The following DDX60 variants were observed in gnomAD, a reference collection of about 807,000 sequenced individuals.
DDX60 encodes the protein DExD/H-box helicase 60.
Under a neutral mutation model 212.8 loss-of-function variants are expected in DDX60, and 165 were observed. The ratio of observed to expected loss-of-function variants is 0.78; its 90% CI spans 0.68 to 0.88. The LOEUF is 0.88. Ranked by LOEUF, DDX60 falls within the 40% of genes least tolerant of loss-of-function variation. The pLI is 0.00. For missense variants in DDX60, 1,905 were observed against 2,003.9 expected, an observed-to-expected ratio of 0.95 and a Z score of 0.94; for synonymous variants, 703 against 685.3, an observed-to-expected ratio of 1.03 and a Z score of -0.40.
Position 168,293,854 on chromosome 4 carries a change from A to T in DDX60, c.815T>A (p.Leu272Ter). 6.2e-7 allele frequency: 1 copy of T among 1,613,864 alleles called. No individual in the cohort carries two copies. The highest frequency in any genetic ancestry group is 8.5e-7 in the Non-Finnish European group (1 of 1,179,786). The stretch of plus-strand genomic sequence containing the variant: ...TCCTAAAAAGCGATGGTACATTCTC[A>T]AAGATAATGAGCATGAAGTAACACA... ...VFCVTSCSLS[L>*]RMYHRFLGNR... The change falls in exon 7 of 38, where the codon TTG (leucine) becomes TAG (stop). Residue 272 changes from leucine (L) to a stop codon, truncating the protein, a stop_gained. Transcript: ENST00000393743. LOFTEE classifies it high-confidence loss of function.
intron 25 of DDX60, among the ~76,000 whole-genome samples, chr4:168,260,091 A>AT (rs1225541403): frequency 6.6e-6 from 1 of 151,516 alleles, no homozygotes; most frequent in Non-Finnish European, 1.5e-5. Context: ...AGAAAGTTGT[A>AT]TTTTTTTCTA....
chr4:168,253,262 A>G (rs1371868623), intron 26 of DDX60, among the ~76,000 whole-genome samples: 1 of 152,144 alleles, frequency 6.6e-6, no homozygotes, highest in Non-Finnish European at 1.5e-5. Flanking sequence ...TTCTCCCAAG[A>G]TAACTCTGTT....
intron 1 of DDX60, among the ~76,000 whole-genome samples, chr4:168,317,456 G>A (rs1180005428): frequency 6.6e-6 from 1 of 152,054 alleles, no homozygotes; most frequent in East Asian, 1.9e-4. Flanking sequence ...AAGGCGCAAA[G>A]GGGAGGTAAA....
intron 34 of DDX60, among the ~76,000 whole-genome samples, chr4:168,224,694 A>G (rs1366890948): frequency 6.6e-6 from 1 of 152,038 alleles, no homozygotes; most frequent in East Asian, 1.9e-4. Flanking sequence ...TATTGTTATT[A>G]CCTTTGTACT....
chr4:168,310,971 C>T (rs756569868), intron 3 of DDX60, 27 bp downstream of exon 3: 16 of 1,342,480 alleles, frequency 1.2e-5, no homozygotes, highest in South Asian at 5.0e-5. Flanking sequence ...TATGATTTCC[C>T]GTCTTTATTA....
intron 18 of DDX60, 37 bp from the exon 19 acceptor site, chr4:168,272,175 G>A (rs1174986121): frequency 8.1e-6 from 12 of 1,485,410 alleles, no homozygotes; most frequent in African/African-American, 4.2e-5. Flanking sequence ...AACATTTTGA[G>A]CACTTACTAT....
Position 168,266,849 on chromosome 4 carries a change from G to T in DDX60, c.3039+733C>A, listed in dbSNP as rs145414724. Among the ~76,000 whole-genome samples, 84 of 152,182 alleles carry T rather than the reference G, an allele frequency of 5.5e-4. 1 individual carries two copies. The highest frequency in any genetic ancestry group is 1.9e-3 in the African/African-American group (79 of 41,516). On this transcript the variant is annotated intron_variant, in intron 22 of 37. Transcript: ENST00000393743. Reference sequence around the variant, plus strand: ...CGTGTCAAATTATGTTGACTTTTGTGCTCTAAAAATTTTACATATTTTACC... The same window carrying T: ...CGTGTCAAATTATGTTGACTTTTGTTCTCTAAAAATTTTACATATTTTACC...
chr4:168,320,452 G>T (rs1737577556), upstream of DDX60, among the ~76,000 whole-genome samples: 1 of 151,926 alleles, frequency 6.6e-6, no homozygotes, highest in Admixed American at 6.5e-5. Flanking sequence ...ACTACCAAAG[G>T]CAAGGAAACA....
chr4:168,282,562 TTTG>T (rs1244924232), intron 13 of DDX60, among the ~76,000 whole-genome samples: 1 of 152,194 alleles, frequency 6.6e-6, no homozygotes, highest in African/African-American at 2.4e-5. Context: ...TGTGATTGGT[TTTG>T]TTAAGTTGGT....
chr4:168,287,160 T>C lies in DDX60; in HGVS notation c.1227A>G (p.Glu409=). The change falls in exon 10 of 38, where the codon GAA becomes GAG. Residue 409 remains glutamate (E), a synonymous_variant. Transcript: ENST00000393743. ...ACTTTGATACGGTATTCCAGAGATA[T>C]TCATAATCTTTCATAATGGTATCTC... ...NLGDTIMKDY[E]YLWNTVSKLV... 1.2e-6 allele frequency: 2 copies of C among 1,609,472 alleles called. No individual in the cohort carries two copies. The highest frequency in any genetic ancestry group is 2.2e-5 in the South Asian group (2 of 90,230).
At chr4:168,217,110 GAAGT>G in intron 37 of DDX60, 78 bp from the exon 38 acceptor site, 3 of 863,490 alleles carry the variant, frequency 3.5e-6, no homozygotes, top group Non-Finnish European at 5.5e-6. Context: ...TGGTTAGGCA[GAAGT>G]AAGGAAATCC....
intron 30 of DDX60, among the ~76,000 whole-genome samples, chr4:168,242,268 T>TG (rs1381875234): frequency 6.6e-6 from 1 of 151,896 alleles, no homozygotes; most frequent in African/African-American, 2.4e-5. Flanking sequence ...CTGCACAGAG[T>TG]CCCTCCTGGG....
intron 6 of DDX60, among the ~76,000 whole-genome samples, chr4:168,297,489 G>A (rs980701701): frequency 6.6e-6 from 1 of 151,578 alleles, no homozygotes; most frequent in African/African-American, 2.4e-5. Context: ...GATGCCCAAA[G>A]GAGAATAATC....
chr4:168,256,065 G>A (rs1026925350), intron 25 of DDX60, among the ~76,000 whole-genome samples, 196 bp from the exon 26 acceptor site: 5 of 151,644 alleles, frequency 3.3e-5, no homozygotes, highest in African/African-American at 1.2e-4. Context: ...AGTAAATAAT[G>A]TTGCCTACCC....
At chr4:168,271,914 G>GAA (rs529854444) in intron 19 of DDX60, 129 bp downstream of exon 19, 64 of 685,564 alleles carry the variant, frequency 9.3e-5, no homozygotes, top group Middle Eastern at 4.2e-4. Context: ...AATCACTCAG[G>GAA]AAAAAAAAAC....
intron 26 of DDX60, among the ~76,000 whole-genome samples, chr4:168,253,480 G>T (rs1208873768): frequency 6.6e-6 from 1 of 152,090 alleles, no homozygotes; most frequent in African/African-American, 2.4e-5. Flanking sequence ...ACTGACAGAG[G>T]CCTCTTGGAG....
chr4:168,303,224 C>T (rs1455878814), intron 5 of DDX60, among the ~76,000 whole-genome samples: 3 of 151,576 alleles, frequency 2.0e-5, no homozygotes, highest in Non-Finnish European at 4.4e-5. Flanking sequence ...ATGGCGAGAA[C>T]CCGGGAGGCG....
chr4:168,305,746 A>G (rs1736848928), intron 5 of DDX60, among the ~76,000 whole-genome samples: 1 of 151,784 alleles, frequency 6.6e-6, no homozygotes, highest in Non-Finnish European at 1.5e-5. Flanking sequence ...TAATGTATCA[A>G]AATAATAACA....
At chr4:168,317,374 A>T (rs1278004497) in intron 1 of DDX60, among the ~76,000 whole-genome samples, 4 of 152,144 alleles carry the variant, frequency 2.6e-5, no homozygotes, top group Non-Finnish European at 5.9e-5. Context: ...TGATTCAAAC[A>T]ATCTTAAAAA....
Sources: allele counts gnomAD v4.1 joint callset (sites outside exome capture counted in the v4.1 genomes callset), GRCh38; gene constraint gnomAD v4.1.1; transcripts MANE v1.5; gene names NCBI Gene and HGNC (gene_info 2026-07-23, HGNC 2026-07-21).